The following ZFYVE9 variants were observed in gnomAD, a reference collection of about 807,000 sequenced individuals.
The protein encoded by ZFYVE9 is zinc finger FYVE-type containing 9.
A neutral mutation model predicts 126.7 loss-of-function variants in ZFYVE9; 43 were observed. That is an observed-to-expected ratio of 0.34 (90% CI 0.27 to 0.44). The LOEUF (loss-of-function observed/expected upper bound fraction) is 0.44. Among genes scored for constraint, ZFYVE9 ranks in the 20% least tolerant of loss-of-function variants. The probability of loss-of-function intolerance (pLI) is 1.00; values close to 1 mark genes in which losing one functional copy is unlikely to be tolerated. For missense variants in ZFYVE9, 1,476 were observed against 1,697.0 expected, an observed-to-expected ratio of 0.87 and a Z score of 2.29; for synonymous variants, 521 against 597.4, an observed-to-expected ratio of 0.87 and a Z score of 1.87.
chr1:52,265,711 A>T (rs1645627059), intron 5 of ZFYVE9, among the ~76,000 whole-genome samples: 1 of 152,192 alleles, frequency 6.6e-6, no homozygotes, highest in Admixed American at 6.5e-5. Context: ...TTACTGATGG[A>T]TAGTTTTATA....
At chr1:52,249,009 G>C (rs77397096) in intron 4 of ZFYVE9, among the ~76,000 whole-genome samples, 1 of 152,136 alleles carries the variant, frequency 6.6e-6, no homozygotes, top group Non-Finnish European at 1.5e-5. Flanking sequence ...TGAATAGTGG[G>C]GGCAGATTTC....
At chr1:52,274,841 T>A (rs1420521728) in intron 8 of ZFYVE9, among the ~76,000 whole-genome samples, 3 of 152,230 alleles carry the variant, frequency 2.0e-5, no homozygotes, top group South Asian at 2.1e-4. Flanking sequence ...TAGCAGTTTT[T>A]AAAAATATTT....
intron 1 of ZFYVE9, chr1:52,162,361 G>T: frequency 8.1e-6 from 3 of 370,910 alleles, no homozygotes; most frequent in South Asian, 2.8e-5. Context: ...TGCCGCCTTT[G>T]CCACCACCTC....
intron 10 of ZFYVE9, among the ~76,000 whole-genome samples, chr1:52,288,582 T>C (rs909949862): frequency 2.0e-5 from 3 of 152,240 alleles, no homozygotes; most frequent in Non-Finnish European, 4.4e-5. Context: ...AGAAGCTTTC[T>C]AAATTCTTTT....
At chr1:52,262,937 G>A (rs112356953) in intron 4 of ZFYVE9, among the ~76,000 whole-genome samples, 5,262 of 151,924 alleles carry the variant, frequency 0.035, 336 homozygotes, top group African/African-American at 0.12. Flanking sequence ...TTAGCCAGGC[G>A]TGGTGGCTTA....
In ZFYVE9 at chr1:52,296,128, T is replaced by C; in HGVS notation, c.3333+151T>C. ...AGAAAAAGAACAGTATATGTATGTG[T>C]ATATATATATATACACACACACACA... On this transcript the variant is annotated intron_variant, in intron 12 of 18. Transcript: ENST00000287727. 5 of 379,674 alleles carry C rather than the reference T, an allele frequency of 1.3e-5. No individual in the cohort carries two copies. The East Asian group carries it at 2.0e-4, about 16-fold the overall frequency. The allele number at this position is 379,674 out of a possible 1,614,324, so 23.5% of individuals were successfully genotyped here. A position where few individuals can be genotyped will look rare whatever the true frequency, so the allele number is the denominator to read the frequency against.
At chr1:52,271,204 G>C (rs2147805775) in intron 7 of ZFYVE9, among the ~76,000 whole-genome samples, 1 of 152,306 alleles carries the variant, frequency 6.6e-6, no homozygotes, top group African/African-American at 2.4e-5. Context: ...AGTCTAGTGA[G>C]TGAATGTTAT....
intron 4 of ZFYVE9, 126 bp downstream of exon 4, chr1:52,239,721 A>AC: frequency 9.5e-7 from 1 of 1,055,658 alleles, no homozygotes. Context: ...ATTTTTGAAA[A>AC]CCCAGTTCTA....
At chr1:52,296,123 A>ATG (rs1645971944) in intron 12 of ZFYVE9, 146 bp downstream of exon 12, 2 of 541,218 alleles carry the variant, frequency 3.7e-6, no homozygotes, top group South Asian at 2.0e-5. Flanking sequence ...CAGTATATGT[A>ATG]TGTGTATATA....
intron 12 of ZFYVE9, among the ~76,000 whole-genome samples, chr1:52,300,958 C>T (rs1646027959): frequency 1.3e-5 from 2 of 151,410 alleles, no homozygotes; most frequent in Admixed American, 1.3e-4. Flanking sequence ...CTCCCGGGCT[C>T]AAGCAATGCT....
intron 13 of ZFYVE9, among the ~76,000 whole-genome samples, chr1:52,318,195 A>G (rs1646204143): frequency 6.6e-6 from 1 of 152,210 alleles, no homozygotes; most frequent in Admixed American, 6.6e-5. Context: ...AATAATGTAT[A>G]TTATGACTAA....
In ZFYVE9 at chr1:52,295,990, T is replaced by G; in HGVS notation, c.3333+13T>G. 6.2e-7 allele frequency: 1 copy of G among 1,607,174 alleles called. No individual in the cohort carries two copies. On this transcript the variant is annotated intron_variant, in intron 12 of 18. Transcript: ENST00000287727. Reference sequence around the variant, plus strand: ...GAATCTTCTTGCAGTAAGTTGGGAATTTTTTTTCCTTTGTCCTTACTGGAG... The same window carrying G: ...GAATCTTCTTGCAGTAAGTTGGGAAGTTTTTTTCCTTTGTCCTTACTGGAG...
At chr1:52,177,141 C>T (rs1362591481) in intron 1 of ZFYVE9, among the ~76,000 whole-genome samples, 1 of 151,822 alleles carries the variant, frequency 6.6e-6, no homozygotes, top group Non-Finnish European at 1.5e-5. Flanking sequence ...CTTGGCTCCC[C>T]AGCCCGATTT....
Position 52,269,064 on chromosome 1 carries a change from G to T in ZFYVE9, c.2625+432G>T, listed in dbSNP as rs189380821. 3.1e-3 allele frequency among the ~76,000 whole-genome samples: 465 copies of T among 152,284 alleles called. 2 individuals carry two copies. Among genetic ancestry groups the T allele is most frequent in the African/African-American group, 0.011 (441 of 41,564 alleles). The stretch of plus-strand genomic sequence containing the variant: ...CATCCCCTACCAGAGTGGTACACTT[G>T]TTACACTTGTTGAACCTACACTGAC... On this transcript the variant is annotated intron_variant, in intron 7 of 18. Coordinates refer to ENST00000287727, the MANE Select transcript of ZFYVE9 (RefSeq NM_004799.4).
At chr1:52,248,184 G>A (rs908979329) in intron 4 of ZFYVE9, among the ~76,000 whole-genome samples, 2 of 152,140 alleles carry the variant, frequency 1.3e-5, no homozygotes, top group Admixed American at 6.5e-5. Flanking sequence ...TCAAAAGCAG[G>A]AAAACCAACA....
chr1:52,326,879 C>G (rs1407287982), intron 13 of ZFYVE9, among the ~76,000 whole-genome samples: 2 of 150,068 alleles, frequency 1.3e-5, no homozygotes, highest in African/African-American at 4.9e-5. Flanking sequence ...CAAAAACAAA[C>G]AAGGCCGGGC....
At chr1:52,232,005 T>C (rs998581280) in intron 2 of ZFYVE9, among the ~76,000 whole-genome samples, 2 of 152,174 alleles carry the variant, frequency 1.3e-5, no homozygotes, top group African/African-American at 4.8e-5. Context: ...TCATTGACAC[T>C]TATATACCTC....
intron 4 of ZFYVE9, among the ~76,000 whole-genome samples, chr1:52,262,159 T>G (rs555298149): frequency 4.6e-5 from 7 of 152,328 alleles, no homozygotes; most frequent in African/African-American, 7.2e-5. Context: ...TGCTTACTTA[T>G]AGACAGCTGT....
intron 2 of ZFYVE9, among the ~76,000 whole-genome samples, chr1:52,220,232 G>A (rs897973646): frequency 6.6e-6 from 1 of 152,180 alleles, no homozygotes; most frequent in African/African-American, 2.4e-5. Flanking sequence ...TGGATGCCAG[G>A]GAGTATGATA....
Sources: gnomAD v4.1 joint callset for allele counts (sites outside exome capture counted in the v4.1 genomes callset) on GRCh38, gnomAD v4.1.1 for gene constraint, MANE v1.5 for transcripts, NCBI Gene and HGNC (gene_info 2026-07-23, HGNC 2026-07-21) for gene names.